Variants in FOCAD observed in about 807,000 individuals in gnomAD.
The protein encoded by FOCAD is focadhesin.
A neutral mutation model predicts 225.6 loss-of-function variants in FOCAD; 198 were observed. The ratio of observed to expected loss-of-function variants is 0.88; its 90% CI spans 0.78 to 0.99. The LOEUF is 0.99. FOCAD is among the 50% of genes least tolerant of loss of function. The pLI is 0.00. For missense variants in FOCAD, 2,713 were observed against 2,123.6 expected, an observed-to-expected ratio of 1.28 and a Z score of -5.46; for synonymous variants, 897 against 755.0, an observed-to-expected ratio of 1.19 and a Z score of -3.08.
At position 20,946,725 on chromosome 9, in the gene FOCAD, G is replaced by GA; in HGVS notation, c.3580_3581insA (p.Val1194AspfsTer12). 6.2e-7 allele frequency: 1 copy of GA among 1,613,548 alleles called. No individual in the cohort carries two copies. The highest frequency in any genetic ancestry group is 8.5e-7 in the Non-Finnish European group (1 of 1,179,588). On this transcript the variant is annotated frameshift_variant, in exon 30 of 44. Coordinates refer to ENST00000338382, the MANE Select transcript of FOCAD (RefSeq NM_001375567.1). LOFTEE classifies it high-confidence loss of function. ...GGTCCTTGCCTACACACTTAGCTGTGTATGTACATCAGCGTTCAGTGCTGG... is the reference window on the plus strand; with the variant it reads ...GGTCCTTGCCTACACACTTAGCTGTGATATGTACATCAGCGTTCAGTGCTGG...
At chr9:20,715,281 C>T in intron 1 of FOCAD, 41 bp from the exon 2 acceptor site, 2 of 920,002 alleles carry the variant, frequency 2.2e-6, no homozygotes, top group Admixed American at 2.5e-5. Flanking sequence ...CAATTCAGAC[C>T]AGTTGGAAGA....
chr9:20,827,659 T>A (rs922390623), intron 15 of FOCAD, among the ~76,000 whole-genome samples: 5 of 151,908 alleles, frequency 3.3e-5, no homozygotes, highest in Non-Finnish European at 7.4e-5. Context: ...TATTACATAA[T>A]CTCTCCTGTA....
At chr9:20,751,727 T>G (rs199786033) in intron 5 of FOCAD, among the ~76,000 whole-genome samples, 13 of 148,896 alleles carry the variant, frequency 8.7e-5, no homozygotes, top group South Asian at 2.2e-4. Flanking sequence ...CCTGAGGAAT[T>G]GCCACACTGA....
In FOCAD at chr9:20,881,271, G is replaced by A. The variant is rs187115069; in HGVS notation, c.2318-600G>A. On this transcript the variant is annotated intron_variant, in intron 19 of 43. Transcript: ENST00000338382. ...TATCAACTTTGTGTTTTTGAGGAATGGAAAGAGGCCATATGTAAGTGTGAC... is the reference window on the plus strand; with the variant it reads ...TATCAACTTTGTGTTTTTGAGGAATAGAAAGAGGCCATATGTAAGTGTGAC... Among the ~76,000 whole-genome samples, 484 of 152,330 alleles carry A rather than the reference G, an allele frequency of 3.2e-3. 18 individuals carry two copies. Among genetic ancestry groups the A allele is most frequent in the Admixed American group, 0.03 (466 of 15,290 alleles).
intron 28 of FOCAD, among the ~76,000 whole-genome samples, chr9:20,933,571 A>ATG (rs377115971): frequency 0.014 from 2,043 of 150,842 alleles, 44 homozygotes; most frequent in African/African-American, 0.045. Flanking sequence ...GTGTGTGTGT[A>ATG]TGTGTGTGTG....
intron 25 of FOCAD, among the ~76,000 whole-genome samples, chr9:20,925,288 A>G (rs999638962): frequency 6.6e-6 from 1 of 152,196 alleles, no homozygotes; most frequent in Non-Finnish European, 1.5e-5. Flanking sequence ...GCCCCTTTCT[A>G]TGATCCCTTC....
intron 24 of FOCAD, among the ~76,000 whole-genome samples, chr9:20,920,479 C>T (rs372818358): frequency 5.6e-5 from 7 of 126,046 alleles, no homozygotes; most frequent in South Asian, 3.2e-4. Flanking sequence ...ACCCAAAGGA[C>T]TATAAATCAT....
At chr9:20,733,758 T>C (rs1287184934) in intron 4 of FOCAD, among the ~76,000 whole-genome samples, 1 of 152,086 alleles carries the variant, frequency 6.6e-6, no homozygotes, top group Non-Finnish European at 1.5e-5. Context: ...TCCTAGCATT[T>C]TGAGAGGTCA....
intron 2 of FOCAD, among the ~76,000 whole-genome samples, chr9:20,669,413 T>C (rs933382087): frequency 6.6e-6 from 1 of 152,218 alleles, no homozygotes; most frequent in Non-Finnish European, 1.5e-5. Context: ...TTCAGGATTC[T>C]TGGGCCCAGA....
chr9:20,671,601 G>A (rs1023065484), intron 2 of FOCAD, among the ~76,000 whole-genome samples: 1 of 106,696 alleles, frequency 9.4e-6, no homozygotes, highest in African/African-American at 3.7e-5. Context: ...AGATTAGTAT[G>A]GTAACATGTA....
chr9:20,920,099 C>T (rs558649543), intron 24 of FOCAD, among the ~76,000 whole-genome samples: 1 of 151,988 alleles, frequency 6.6e-6, no homozygotes, highest in East Asian at 1.9e-4. Flanking sequence ...CTACAATGAA[C>T]TCAAACAAAT....
chr9:20,711,490 A>G (rs960990591), intron 1 of FOCAD, among the ~76,000 whole-genome samples: 5 of 152,212 alleles, frequency 3.3e-5, no homozygotes, highest in South Asian at 2.1e-4. Flanking sequence ...GCAGTGTACT[A>G]ACTCAGCATG....
chr9:20,951,417 T>A (rs1041382899), intron 34 of FOCAD, among the ~76,000 whole-genome samples: 3 of 152,172 alleles, frequency 2.0e-5, no homozygotes, highest in Admixed American at 6.5e-5. Context: ...GAAGAACTCA[T>A]GGCTCGGAAA....
At chr9:20,942,631 T>C (rs912606955) in intron 28 of FOCAD, among the ~76,000 whole-genome samples, 4 of 152,202 alleles carry the variant, frequency 2.6e-5, no homozygotes, top group Non-Finnish European at 5.9e-5. Context: ...CTCTAGACTC[T>C]TAAAATTCTT....
At chr9:20,946,892 T>C in intron 30 of FOCAD, 72 bp downstream of exon 30, 1 of 1,577,642 alleles carries the variant, frequency 6.3e-7, no homozygotes, top group Non-Finnish European at 8.6e-7. Context: ...TTTGACTTAC[T>C]CTGAATTAGA....
At chr9:20,812,999 T>C in intron 11 of FOCAD, among the ~76,000 whole-genome samples, 1 of 152,092 alleles carries the variant, frequency 6.6e-6, no homozygotes, top group East Asian at 1.9e-4. Flanking sequence ...TGAAACTCTA[T>C]ACTCATTGAA....
chr9:20,844,225 A>G (rs905725585), intron 15 of FOCAD, among the ~76,000 whole-genome samples: 2 of 151,714 alleles, frequency 1.3e-5, no homozygotes, highest in Non-Finnish European at 2.9e-5. Flanking sequence ...TTTTATTTTT[A>G]TTTAATCATT....
intron 35 of FOCAD, among the ~76,000 whole-genome samples, chr9:20,959,752 G>C (rs1838529017): frequency 6.6e-6 from 1 of 151,968 alleles, no homozygotes. Context: ...TCTGTCTATG[G>C]ATATCCAGTT....
At chr9:20,840,923 A>G (rs1826458259) in intron 15 of FOCAD, among the ~76,000 whole-genome samples, 1 of 151,810 alleles carries the variant, frequency 6.6e-6, no homozygotes, top group Non-Finnish European at 1.5e-5. Flanking sequence ...TAGAGTTTTT[A>G]TCATGAAGGG....
Sources: gnomAD v4.1 joint callset for allele counts (sites outside exome capture counted in the v4.1 genomes callset) on GRCh38, gnomAD v4.1.1 for gene constraint, MANE v1.5 for transcripts, NCBI Gene and HGNC (gene_info 2026-07-23, HGNC 2026-07-21) for gene names.